TSPEAR: variants seen among roughly 807,000 people sequenced by gnomAD.
TSPEAR encodes the protein thrombospondin type laminin G domain and EAR repeats, also known as thrombospondin-type laminin G domain and EAR repeat-containing protein.
Under a neutral mutation model 71.6 loss-of-function variants are expected in TSPEAR, and 69 were observed. The observed-to-expected ratio is 0.96, with a 90% confidence interval of 0.79 to 1.18. TSPEAR has a LOEUF of 1.18. TSPEAR is among the 50% of genes most tolerant of loss of function. TSPEAR has a pLI of 0.00. For missense variants in TSPEAR, 971 were observed against 894.9 expected (o/e 1.09, Z -1.09); for synonymous variants, 402 against 387.2 (o/e 1.04, Z -0.45).
chr21:44,566,000 C>G (rs184626356), intron 2 of TSPEAR, among the ~76,000 whole-genome samples: 10 of 152,210 alleles, frequency 6.6e-5, no homozygotes, highest in African/African-American at 7.2e-5. Context: ...GCCAACATGG[C>G]GAAACCCTGT....
At chr21:44,514,107 A>T (rs1369084508) in intron 9 of TSPEAR, among the ~76,000 whole-genome samples, 1 of 152,136 alleles carries the variant, frequency 6.6e-6, no homozygotes, top group Non-Finnish European at 1.5e-5. Context: ...CATAGCTGCC[A>T]CCTTCCTGGA....
intron 1 of TSPEAR, chr21:44,591,844 C>T: frequency 6.2e-7 from 1 of 1,607,794 alleles, no homozygotes; most frequent in Non-Finnish European, 8.5e-7. Context: ...AGTTGGCTGG[C>T]AGCTAGACTG....
chr21:44,658,962 G>A (rs1985333422), intron 1 of TSPEAR, among the ~76,000 whole-genome samples: 1 of 152,150 alleles, frequency 6.6e-6, no homozygotes, highest in South Asian at 2.1e-4. Context: ...GTGGCAAAGA[G>A]GGCAGGAAAC....
chr21:44,527,268 GAA>G lies in TSPEAR; in HGVS notation c.1149+22_1149+23del, dbSNP rs782246151. On this transcript the variant is annotated intron_variant, in intron 7 of 11. Coordinates refer to ENST00000323084, the MANE Select transcript of TSPEAR (RefSeq NM_144991.3). ...GGCTTTCCAAGAGAAAGGGGATGGAGAAAGTCACCGAACACAGACTTGCCTTT... is the reference window on the plus strand; with the variant it reads ...GGCTTTCCAAGAGAAAGGGGATGGAGAGTCACCGAACACAGACTTGCCTTT... 2.0e-5 allele frequency: 33 copies of G among 1,612,866 alleles called. No individual in the cohort carries two copies. In the African/African-American group the frequency reaches 4.1e-4, roughly 20 times the overall value.
rs897140462 is a variant in TSPEAR at position 44,499,823 on chromosome 21, T to G, written c.1970A>C (p.Lys657Thr). The G allele has an allele frequency of 1.9e-6, 3 of 1,584,188 alleles. No individual in the cohort carries two copies. The African/African-American group carries it at 4.0e-5, about 21-fold the overall frequency. ...AGAYLIYSSA[K>T]EPLSRVLRLR... is the part of the protein sequence containing the mutation. ...CCGCAGGACCCTGGAGAGGGGCTCC[T>G]TGGCGCTGGAGTAGATGAGGTAGGC... The change falls in exon 12 of 12, where the codon AAG (lysine) becomes ACG (threonine). Residue 657 changes from lysine to threonine, a missense_variant. Coordinates refer to ENST00000323084, the MANE Select transcript of TSPEAR (RefSeq NM_144991.3).
At chr21:44,517,781 T>C (rs1569159151) in intron 9 of TSPEAR, 3 of 471,098 alleles carry the variant, frequency 6.4e-6, no homozygotes, top group African/African-American at 2.0e-5. Context: ...CCTCCTGATA[T>C]CCAGGGCTGC....
chr21:44,554,664 G>A (rs782342382), intron 2 of TSPEAR, among the ~76,000 whole-genome samples: 10 of 152,230 alleles, frequency 6.6e-5, no homozygotes, highest in African/African-American at 1.9e-4. Flanking sequence ...CTAACCACAC[G>A]TGGCTCTTGA....
intron 1 of TSPEAR, among the ~76,000 whole-genome samples, chr21:44,679,576 C>T (rs948829760): frequency 1.3e-5 from 2 of 152,070 alleles, no homozygotes; most frequent in African/African-American, 2.4e-5. Context: ...CCAAAAAGGA[C>T]CCTGAATAGC....
rs1555910898 is a variant in TSPEAR at position 44,499,806 on chromosome 21, C to G, written c.1987G>C (p.Val663Leu). 4 of 1,576,002 alleles carry G rather than the reference C, an allele frequency of 2.5e-6. No homozygotes were observed. The highest frequency in any genetic ancestry group is 3.4e-6 in the Non-Finnish European group (4 of 1,162,192). Residue 663 changes from valine to leucine, a missense_variant, in exon 12 of 12, where the codon GTC becomes CTC. Coordinates refer to ENST00000323084, the MANE Select transcript of TSPEAR (RefSeq NM_144991.3). ...YSSAKEPLSRVLRLRTR is the reference protein window; with the variant it reads ...YSSAKEPLSRLLRLRTR ...CCTCAGCGTGTCCTCAGCCGCAGGA[C>G]CCTGGAGAGGGGCTCCTTGGCGCTG... is the stretch of plus-strand genomic sequence containing the variant.
chr21:44,560,987 C>G (rs908967613), intron 2 of TSPEAR, among the ~76,000 whole-genome samples: 1 of 151,854 alleles, frequency 6.6e-6, no homozygotes, highest in Non-Finnish European at 1.5e-5. Context: ...AAGATCAGAG[C>G]GGAACTGAAG....
chr21:44,500,768 T>G (rs2052015567), intron 11 of TSPEAR, among the ~76,000 whole-genome samples: 1 of 152,240 alleles, frequency 6.6e-6, no homozygotes, highest in Non-Finnish European at 1.5e-5. Context: ...TTCTAAAAAT[T>G]CATATTTATA....
chr21:44,705,803 G>A (rs942083799), intron 1 of TSPEAR, among the ~76,000 whole-genome samples: 7 of 152,106 alleles, frequency 4.6e-5, no homozygotes, highest in Non-Finnish European at 8.8e-5. Flanking sequence ...CTGTGATCTC[G>A]CCCTGCCTCC....
chr21:44,698,613 GTGGGGGC>G (rs1987500515), intron 1 of TSPEAR, among the ~76,000 whole-genome samples: 1 of 152,232 alleles, frequency 6.6e-6, no homozygotes, highest in Admixed American at 6.5e-5. Flanking sequence ...TCCCTGCCAA[GTGGGGGC>G]TGGCTGGACA....
In TSPEAR at chr21:44,637,485, C is replaced by T. The variant is rs2146219298; in HGVS notation, c.83-69480G>A. ...GACTCTTGGCGGGTAGTCGACTGCC[C>T]AGAGAGCTGCTGCGAGCCCTGCTGC... On this transcript the variant is annotated intron_variant, in intron 1 of 11. Transcript: ENST00000323084. The T allele has an allele frequency of 4.3e-6, 7 of 1,613,436 alleles. No homozygotes were observed. The South Asian group carries it at 7.7e-5, about 18-fold the overall frequency.
At chr21:44,684,230 G>A (rs532506493) in intron 1 of TSPEAR, among the ~76,000 whole-genome samples, 106 of 152,344 alleles carry the variant, frequency 7.0e-4, no homozygotes, top group Admixed American at 2.7e-3. Context: ...TGAAGAACGT[G>A]CTTAAAGACT....
chr21:44,517,473 C>A, intron 9 of TSPEAR: 1 of 284,080 alleles, frequency 3.5e-6, no homozygotes, highest in Non-Finnish European at 7.0e-6. Context: ...AGCACAGGTC[C>A]AGCTAGGCTG....
intron 1 of TSPEAR, among the ~76,000 whole-genome samples, chr21:44,613,964 C>T (rs1271440632): frequency 3.3e-5 from 5 of 152,154 alleles, no homozygotes; most frequent in Admixed American, 1.3e-4. Flanking sequence ...GGGGTCCACA[C>T]GGCTCCAGCT....
At chr21:44,551,511 T>G (rs587636100) in intron 2 of TSPEAR, 1 of 1,537,098 alleles carries the variant, frequency 6.5e-7, no homozygotes, top group East Asian at 2.3e-5. Flanking sequence ...AGTGAGTGTG[T>G]GTGTGAGTGT....
chr21:44,513,321 C>T (rs939533665), intron 9 of TSPEAR, among the ~76,000 whole-genome samples: 6 of 152,184 alleles, frequency 3.9e-5, no homozygotes, highest in African/African-American at 7.2e-5. Flanking sequence ...GGAGGTGCCC[C>T]CCAGGGGCTG....
Sources: allele counts gnomAD v4.1 joint callset (sites outside exome capture counted in the v4.1 genomes callset), GRCh38; gene constraint gnomAD v4.1.1; transcripts MANE v1.5; gene names NCBI Gene and HGNC (gene_info 2026-07-23, HGNC 2026-07-21).